FAM199X: variants seen among roughly 807,000 people sequenced by gnomAD.
The protein encoded by FAM199X is protein FAM199X.
A neutral mutation model predicts 22.9 loss-of-function variants in FAM199X; 4 were observed. The observed-to-expected ratio is 0.17, with a 90% CI of 0.09 to 0.40. FAM199X has a LOEUF of 0.40. FAM199X is among the 10% of genes least tolerant of loss of function. FAM199X has a pLI of 1.00. For missense variants in FAM199X, 183 were observed against 306.8 expected (o/e 0.60, Z 3.01); for synonymous variants, 101 against 112.3 (o/e 0.90, Z 0.64).
At chrX:104,169,067 A>G (rs1556374769) in intron 1 of FAM199X, among the ~76,000 whole-genome samples, 2 of 109,556 alleles carry the variant, frequency 1.8e-5, no homozygotes, top group Admixed American at 9.7e-5. Flanking sequence ...TCCTTCTGCA[A>G]TGTTCTGCTT....
At chrX:104,186,687 A>G in intron 4 of FAM199X, 66 bp downstream of exon 4, 3 of 1,003,916 alleles carry the variant, frequency 3.0e-6, no homozygotes, top group Non-Finnish European at 4.1e-6. Context: ...ATGTAGACTA[A>G]AATAATCATG....
chrX:104,175,063 A>C (rs1290279302), intron 1 of FAM199X, among the ~76,000 whole-genome samples: 1 of 112,124 alleles, frequency 8.9e-6, no homozygotes, highest in Non-Finnish European at 1.9e-5. Flanking sequence ...GTGTGCTACA[A>C]GTGCTGTGTA....
At chrX:104,172,694 A>G (rs1556375609) in intron 1 of FAM199X, among the ~76,000 whole-genome samples, 3 of 108,602 alleles carry the variant, frequency 2.8e-5, no homozygotes, top group African/African-American at 1.0e-4. Flanking sequence ...TAAATATGGC[A>G]TCTTTTTTTT....
intron 1 of FAM199X, among the ~76,000 whole-genome samples, chrX:104,168,168 T>TTAAA (rs1407248693): frequency 8.9e-6 from 1 of 112,543 alleles, no homozygotes; most frequent in East Asian, 2.8e-4. Context: ...GGTGTTATAG[T>TTAAA]TAAATAATCA....
chrX:104,162,359 CTCTT>C (rs1921062729), upstream of FAM199X, among the ~76,000 whole-genome samples: 1 of 112,066 alleles, frequency 8.9e-6, no homozygotes, highest in Non-Finnish European at 1.9e-5. Context: ...GAAGGATTGG[CTCTT>C]TGAGGTTCAC....
At chrX:104,164,679 G>A (rs782194321), upstream of FAM199X, among the ~76,000 whole-genome samples, 5 of 110,633 alleles carry the variant, frequency 4.5e-5, no homozygotes, top group Non-Finnish European at 7.6e-5. Flanking sequence ...TCAGGAGTTC[G>A]AAACCAGCCT....
At position 104,175,612 on chromosome X, in the gene FAM199X, T is replaced by C. The variant is rs782372997; in HGVS notation, c.198-11T>C. 4.0e-5 allele frequency: 48 copies of C among 1,194,670 alleles called. No individual in the cohort carries two copies. The South Asian group carries it at 8.7e-4, about 22-fold the overall frequency. On this transcript the variant is annotated splice_polypyrimidine_tract_variant and intron_variant, in intron 1 of 5. Transcript: ENST00000493442. Reference sequence around the variant, plus strand: ...AGTTCTCTTGATTTCTTTCGTGTTGTGTTTTTGAAGGTGGAACCTAACTTC... The same window carrying C: ...AGTTCTCTTGATTTCTTTCGTGTTGCGTTTTTGAAGGTGGAACCTAACTTC...
At chrX:104,167,533 G>C (rs1197366314) in intron 1 of FAM199X, among the ~76,000 whole-genome samples, 1 of 108,382 alleles carries the variant, frequency 9.2e-6, no homozygotes, top group Non-Finnish European at 1.9e-5. Flanking sequence ...TTTTAGTTGA[G>C]CGCTAGGAAA....
At chrX:104,165,946 A>C (rs1379356681), upstream of FAM199X, among the ~76,000 whole-genome samples, 3 of 111,522 alleles carry the variant, frequency 2.7e-5, no homozygotes, top group Non-Finnish European at 5.6e-5. Context: ...GGCGCAAAGC[A>C]CAAAAGAGTA....
chrX:104,170,584 C>CT (rs1270986165), intron 1 of FAM199X, among the ~76,000 whole-genome samples: 6 of 111,041 alleles, frequency 5.4e-5, no homozygotes, highest in African/African-American at 1.3e-4. Context: ...TTCTTTTTTT[C>CT]TTTTTTTAAC....
chrX:104,166,038 C>G (rs1399848834), upstream of FAM199X, among the ~76,000 whole-genome samples: 3 of 112,168 alleles, frequency 2.7e-5, no homozygotes, highest in Non-Finnish European at 5.6e-5. Context: ...GAGGAAGGGA[C>G]TATTTTCCCT....
At chrX:104,188,679 T>TTG (rs1477630000) in intron 5 of FAM199X, among the ~76,000 whole-genome samples, 1 of 112,253 alleles carries the variant, frequency 8.9e-6, no homozygotes, top group Non-Finnish European at 1.9e-5. Flanking sequence ...TGTATGTCTT[T>TTG]TGTGTGTGTT....
chrX:104,182,798 A>T (rs1556378212), intron 2 of FAM199X, among the ~76,000 whole-genome samples: 1 of 111,487 alleles, frequency 9.0e-6, no homozygotes, highest in African/African-American at 3.3e-5. Context: ...ATGGCAAGGG[A>T]TGGAAAAAGA....
chrX:104,187,145 G>A (rs1231787548), intron 4 of FAM199X, among the ~76,000 whole-genome samples: 9 of 105,766 alleles, frequency 8.5e-5, no homozygotes, highest in African/African-American at 2.8e-4. Context: ...GTGCAGTGAC[G>A]CGATCTCGGC....
At chrX:104,179,790 A>G (rs1261553418) in intron 2 of FAM199X, among the ~76,000 whole-genome samples, 2 of 110,234 alleles carry the variant, frequency 1.8e-5, no homozygotes, top group Non-Finnish European at 3.8e-5. Flanking sequence ...TTTTGCATCT[A>G]TATTCATAAG....
At chrX:104,167,421 T>A (rs1378497194) in intron 1 of FAM199X, among the ~76,000 whole-genome samples, 3 of 110,023 alleles carry the variant, frequency 2.7e-5, no homozygotes, top group Admixed American at 9.7e-5. Context: ...AAAGTGGCGT[T>A]GAAAGGTGGA....
chrX:104,185,348 G>A (rs1048658979), intron 2 of FAM199X, among the ~76,000 whole-genome samples: 2 of 110,974 alleles, frequency 1.8e-5, no homozygotes, highest in African/African-American at 3.3e-5. Flanking sequence ...GGTCTCCCCA[G>A]ATGGAGACCA....
Position 104,166,904 on chromosome X carries a change from G to A in FAM199X, c.119G>A (p.Cys40Tyr), listed in dbSNP as rs781921538. Reference protein sequence around the residue: ...VGTCPSEEPGCLDISDFGCQL... With the variant: ...VGTCPSEEPGYLDISDFGCQL... ...ACCTGCCCGAGCGAGGAGCCGGGCTGCCTGGACATCAGCGACTTCGGCTGC... is the reference window on the plus strand; with the variant it reads ...ACCTGCCCGAGCGAGGAGCCGGGCTACCTGGACATCAGCGACTTCGGCTGC... The change falls in exon 1 of 6, where the codon TGC (cysteine) becomes TAC (tyrosine). Residue 40 changes from cysteine to tyrosine, a missense_variant. Physicochemically the swap from Cys to Tyr is radical, Grantham distance 194 (BLOSUM62 -2). Coordinates refer to ENST00000493442, the MANE Select transcript of FAM199X (RefSeq NM_207318.4). 1.4e-4 allele frequency: 169 copies of A among 1,200,805 alleles called. No homozygotes were observed. Among genetic ancestry groups the A allele is most frequent in the Non-Finnish European group, 1.8e-4 (162 of 890,188 alleles).
chrX:104,188,861 C>T (rs1873116050), intron 5 of FAM199X, among the ~76,000 whole-genome samples: 1 of 110,417 alleles, frequency 9.1e-6, no homozygotes, highest in Non-Finnish European at 1.9e-5. Context: ...GGTCCTGTGG[C>T]TTAGCAGGGG....
Sources: gnomAD v4.1 joint callset for allele counts (sites outside exome capture counted in the v4.1 genomes callset) on GRCh38, gnomAD v4.1.1 for gene constraint, MANE v1.5 for transcripts, NCBI Gene and HGNC (gene_info 2026-07-23, HGNC 2026-07-21) for gene names.